Variants in MACROD2 observed in about 807,000 individuals in gnomAD.
The protein encoded by MACROD2 is ADP-ribose glycohydrolase MACROD2.
Under a neutral mutation model 70.4 loss-of-function variants are expected in MACROD2, and 36 were observed. That is an observed-to-expected ratio of 0.51 (90% CI 0.39 to 0.68). MACROD2 has a LOEUF of 0.68. Among genes scored for constraint, MACROD2 ranks in the 30% least tolerant of loss-of-function variants. The pLI, the probability that MACROD2 is intolerant of heterozygous loss-of-function variation, is 0.00. For synonymous variants in MACROD2, 172 were observed against 178.8 expected, an observed-to-expected ratio of 0.96 and a Z score of 0.30; for missense variants, 496 against 538.4, an observed-to-expected ratio of 0.92 and a Z score of 0.78.
intron 3 of MACROD2, among the ~76,000 whole-genome samples, chr20:14,163,638 CT>C (rs948419790): frequency 1.3e-5 from 2 of 151,514 alleles, no homozygotes; most frequent in African/African-American, 4.8e-5. Context: ...TTTGCTCATT[CT>C]TTGTTTTTCT....
intron 5 of MACROD2, among the ~76,000 whole-genome samples, chr20:14,746,698 G>T (rs1328933261): frequency 2.0e-5 from 3 of 152,198 alleles, no homozygotes; most frequent in Middle Eastern, 3.4e-3. Flanking sequence ...GGCCTTTTGG[G>T]AATACTTTTC....
chr20:14,227,279 G>A (rs2081747490), intron 3 of MACROD2, among the ~76,000 whole-genome samples: 1 of 152,142 alleles, frequency 6.6e-6, no homozygotes, highest in African/African-American at 2.4e-5. Context: ...GGCTGCCGGA[G>A]CCAGCAGTGG....
At chr20:15,696,851 T>C (rs183023764) in intron 8 of MACROD2, among the ~76,000 whole-genome samples, 2 of 152,194 alleles carry the variant, frequency 1.3e-5, no homozygotes, top group Non-Finnish European at 2.9e-5. Flanking sequence ...AAGGTGTCCA[T>C]AGTAGCCTCG....
chr20:15,859,523 AG>A (rs1331344269), intron 8 of MACROD2, among the ~76,000 whole-genome samples: 3 of 152,186 alleles, frequency 2.0e-5, no homozygotes, highest in Admixed American at 6.5e-5. Context: ...ATAAACACGG[AG>A]CTTGTCAACT....
chr20:15,213,603 T>G (rs1164337741), intron 5 of MACROD2, among the ~76,000 whole-genome samples: 1 of 152,082 alleles, frequency 6.6e-6, no homozygotes, highest in Non-Finnish European at 1.5e-5. Context: ...GGAAGGCCAA[T>G]GTTTTGGCAT....
At chr20:14,038,430 C>T (rs1459572298) in intron 2 of MACROD2, among the ~76,000 whole-genome samples, 1 of 152,120 alleles carries the variant, frequency 6.6e-6, no homozygotes, top group Non-Finnish European at 1.5e-5. Context: ...TTTCTTTTTA[C>T]AAATCAGGAA....
chr20:14,710,749 C>G (rs1363881078), intron 5 of MACROD2, among the ~76,000 whole-genome samples: 1 of 152,088 alleles, frequency 6.6e-6, no homozygotes, highest in East Asian at 1.9e-4. Flanking sequence ...TTCATTTTTA[C>G]TTCCTTTACC....
chr20:15,522,791 T>G (rs1246967682), intron 8 of MACROD2, among the ~76,000 whole-genome samples: 2 of 152,142 alleles, frequency 1.3e-5, no homozygotes, highest in Non-Finnish European at 2.9e-5. Context: ...GCTGGGTGAC[T>G]GGAGACAGCA....
intron 3 of MACROD2, among the ~76,000 whole-genome samples, chr20:14,271,865 G>A (rs2082199353): frequency 1.3e-5 from 2 of 152,146 alleles, no homozygotes; most frequent in Admixed American, 6.5e-5. Flanking sequence ...CTCAGGAGCT[G>A]ATGCAATCAA....
Position 14,158,026 on chromosome 20 carries a change from T to G in MACROD2, c.271+72298T>G, listed in dbSNP as rs544134495. ...TATTTTCCATAGTGGCTAGACCAAT[T>G]TACCTTCCATCAACAGTGTATAAGA... On this transcript the variant is annotated intron_variant, in intron 3 of 17. Coordinates refer to ENST00000684519, the MANE Select transcript of MACROD2 (RefSeq NM_001351661.2). Among the ~76,000 whole-genome samples the G allele has an allele frequency of 4.9e-3, 750 of 152,294 alleles. 5 individuals carry two copies. The highest frequency in any genetic ancestry group is 0.024 in the Middle Eastern group (7 of 294).
At chr20:14,407,402 TTC>T (rs1364191225) in intron 3 of MACROD2, among the ~76,000 whole-genome samples, 1 of 151,804 alleles carries the variant, frequency 6.6e-6, no homozygotes, top group African/African-American at 2.4e-5. Flanking sequence ...ATGCACTTTT[TTC>T]TCTCTCTCTC....
intron 5 of MACROD2, among the ~76,000 whole-genome samples, chr20:14,992,747 C>T (rs2074916058): frequency 6.6e-6 from 1 of 152,124 alleles, no homozygotes; most frequent in Non-Finnish European, 1.5e-5. Flanking sequence ...CTAGTTTACA[C>T]ATTTAAAAGC....
intron 13 of MACROD2, among the ~76,000 whole-genome samples, chr20:15,983,692 C>T (rs1196543445): frequency 6.6e-6 from 1 of 152,322 alleles, no homozygotes; most frequent in East Asian, 1.9e-4. Context: ...CAGCCTACGC[C>T]TGGTCGACTG....
intron 10 of MACROD2, among the ~76,000 whole-genome samples, chr20:15,916,701 A>G (rs533461548): frequency 2.0e-5 from 3 of 152,370 alleles, no homozygotes; most frequent in Admixed American, 6.5e-5. Context: ...TCTTGGAATC[A>G]GTGAAAACAT....
chr20:14,220,555 C>T (rs2122165382), intron 3 of MACROD2, among the ~76,000 whole-genome samples: 1 of 152,318 alleles, frequency 6.6e-6, no homozygotes, highest in East Asian at 1.9e-4. Context: ...GGAGGCTTCT[C>T]ATCTCGTTCA....
chr20:14,106,299 G>A (rs1252232859), intron 3 of MACROD2, among the ~76,000 whole-genome samples: 1 of 152,204 alleles, frequency 6.6e-6, no homozygotes, highest in Non-Finnish European at 1.5e-5. Context: ...TGGCCACAGG[G>A]AGAGTCTCCT....
At chr20:15,112,103 T>G (rs931136988) in intron 5 of MACROD2, among the ~76,000 whole-genome samples, 2 of 152,212 alleles carry the variant, frequency 1.3e-5, no homozygotes, top group African/African-American at 2.4e-5. Context: ...GGGTGAGAAC[T>G]GGGATATGAC....
intron 6 of MACROD2, among the ~76,000 whole-genome samples, chr20:15,361,550 T>G (rs73104953): frequency 0.084 from 12,747 of 152,238 alleles, 669 homozygotes; most frequent in Middle Eastern, 0.19. Flanking sequence ...TCTAGTTCCT[T>G]TGTCATAGAA....
At chr20:14,224,395 G>T (rs575582041) in intron 3 of MACROD2, among the ~76,000 whole-genome samples, 2 of 152,252 alleles carry the variant, frequency 1.3e-5, no homozygotes, top group South Asian at 4.1e-4. Flanking sequence ...ATTAGCTTCA[G>T]TCTTGTCAAC....
Sources: gnomAD v4.1 joint callset for allele counts (sites outside exome capture counted in the v4.1 genomes callset) on GRCh38, gnomAD v4.1.1 for gene constraint, MANE v1.5 for transcripts, NCBI Gene and HGNC (gene_info 2026-07-23, HGNC 2026-07-21) for gene names.